Variants in PIGA observed in about 807,000 individuals in gnomAD.
PIGA encodes the protein phosphatidylinositol glycan anchor biosynthesis class A.
Under a neutral mutation model 17.1 loss-of-function variants are expected in PIGA, and 3 were observed. The ratio of observed to expected loss-of-function variants is 0.18; its 90% CI spans 0.08 to 0.45. The LOEUF is 0.45. Ranked by LOEUF, PIGA falls within the 20% of genes least tolerant of loss-of-function variation. PIGA has a pLI of 0.99. For missense variants in PIGA, 231 were observed against 374.1 expected, an observed-to-expected ratio of 0.62 and a Z score of 3.16; for synonymous variants, 126 against 135.1, an observed-to-expected ratio of 0.93 and a Z score of 0.47.
chrX:15,334,164 T>A (rs1403315802), intron 1 of PIGA, among the ~76,000 whole-genome samples: 5 of 106,692 alleles, frequency 4.7e-5, no homozygotes, highest in African/African-American at 1.7e-4. Context: ...AACTGTCTAG[T>A]CTCTCCAACA....
At chrX:15,334,185 CTTTT>C (rs35688150) in intron 1 of PIGA, among the ~76,000 whole-genome samples, 4 of 62,940 alleles carry the variant, frequency 6.4e-5, no homozygotes, top group Non-Finnish European at 1.2e-4. Flanking sequence ...AATTCATCTA[CTTTT>C]TTTTTTTTTT....
chrX:15,323,619 T>C (rs1360541269), intron 5 of PIGA, among the ~76,000 whole-genome samples: 1 of 112,071 alleles, frequency 8.9e-6, no homozygotes, highest in African/African-American at 3.2e-5. Context: ...AAACATCTCA[T>C]GTTTCAATGG....
rs1275774224 is a variant in PIGA at position 15,320,516 on chromosome X, T to C, written c.*990A>G. On this transcript the variant is annotated 3_prime_UTR_variant, in exon 6 of 6. Transcript: ENST00000333590. The stretch of plus-strand genomic sequence containing the variant: ...CGAGGCCACAGTGAAGGGGAGTGAC[T>C]TACATTAAAAGGACAGGGTAGCAGC... The C allele has an allele frequency of 8.9e-6, 1 of 112,171 alleles. No individual in the cohort carries two copies. The highest frequency in any genetic ancestry group is 1.9e-5 in the Non-Finnish European group (1 of 53,255). The allele number at this position is 112,171 out of a possible 1,213,427, so 9.2% of individuals were successfully genotyped here.
In PIGA at chrX:15,335,061, CAA is replaced by C. The variant is rs745329977; in HGVS notation, c.-63+438_-63+439del. On this transcript the variant is annotated intron_variant, in intron 1 of 5. Coordinates refer to ENST00000333590, the MANE Select transcript of PIGA (RefSeq NM_002641.4). ...GGGAGACCTGGCAGGAGTTGTGGGT[CAA>C]GAGAATGGTACTTCCACCGACAATT... is the stretch of plus-strand genomic sequence containing the variant. Among the ~76,000 whole-genome samples the C allele has an allele frequency of 5.4e-5, 6 of 111,927 alleles. No homozygotes were observed. In the South Asian group the frequency reaches 2.2e-3, roughly 42 times the overall value.
Position 15,320,262 on chromosome X carries a change from T to C in PIGA, c.*1244A>G, listed in dbSNP as rs1205357438. On this transcript the variant is annotated 3_prime_UTR_variant, in exon 6 of 6. Coordinates refer to ENST00000333590, the MANE Select transcript of PIGA (RefSeq NM_002641.4). ...GTGCACCCACAAGTGCCTTATTGTT[T>C]TGAATTCACAGTCCTTTTCTCACAA... 1 of 112,547 alleles carries C rather than the reference T, an allele frequency of 8.9e-6. No individual in the cohort carries two copies. The highest frequency in any genetic ancestry group is 2.8e-4 in the East Asian group (1 of 3,635). The allele number at this position is 112,547 out of a possible 1,213,427, so 9.3% of individuals were successfully genotyped here.
At chrX:15,325,847 T>C in intron 3 of PIGA, 67 bp downstream of exon 3, 1 of 895,011 alleles carries the variant, frequency 1.1e-6, no homozygotes, top group African/African-American at 2.0e-5. Context: ...AAGGTACGCA[T>C]GCAGTTAAAA....
rs1193658978 is a variant in PIGA, at chrX:15,324,769, C to A, written c.1084G>T (p.Ala362Ser). 8.3e-7 allele frequency: 1 copy of A among 1,204,152 alleles called. No individual in the cohort carries two copies. Among genetic ancestry groups the A allele is most frequent in the Non-Finnish European group, 1.1e-6 (1 of 888,806 alleles). The change falls in exon 5 of 6, where the codon GCT becomes TCT. Residue 362 changes from alanine (A) to serine (S), a missense_variant. Transcript: ENST00000333590. ...VKSLCEGLEK[A>S]IFQLKSGTLP... ...GTCCCTGACTTCAGTTGGAAAATAG[C>A]CTTTTCCAATCCTTCACACAAAGAT...
At position 15,331,548 on chromosome X, in the gene PIGA, T is replaced by C; in HGVS notation, c.383A>G (p.His128Arg). 8.3e-7 allele frequency: 1 copy of C among 1,210,758 alleles called. No homozygotes were observed. The highest frequency in any genetic ancestry group is 1.1e-6 in the Non-Finnish European group (1 of 894,637). Residue 128 changes from histidine to arginine, a missense_variant, in exon 2 of 6, where the codon CAT becomes CGT. His to Arg is a conservative substitution (Grantham distance 29, BLOSUM62 0). Around this residue, in one of 5 missense-constraint regions of PIGA, gnomAD observed 83 missense variants for 190.1 expected, o/e 0.44. Coordinates refer to ENST00000333590, the MANE Select transcript of PIGA (RefSeq NM_002641.4). ...ATGGGCCATAGCAGAAAAAGAACTA[T>C]GTGAATGGATTATCGTGACTCTCTC... ...VRERVTIIHS[H>R]SSFSAMAHDA... is the part of the protein sequence containing the mutation.
Position 15,325,925 on chromosome X carries a change from C to T in PIGA, c.837G>A (p.Gln279=). Residue 279 remains glutamine, a synonymous_variant, in exon 3 of 6, where the codon CAG becomes CAA. Transcript: ENST00000333590. The stretch of plus-strand genomic sequence containing the variant: ...AAATTCATCAATACCTGTCATGCAG[C>T]TGGTATCTTTCCCGAACTTCTTCCA... The part of the protein sequence containing the change: ...IILEEVRERY[Q]LHDRVRLLGA... 8.3e-7 allele frequency: 1 copy of T among 1,200,811 alleles called. No homozygotes were observed. The highest frequency in any genetic ancestry group is 1.1e-6 in the Non-Finnish European group (1 of 889,141).
chrX:15,322,516 C>T (rs1921847673), intron 5 of PIGA, among the ~76,000 whole-genome samples: 1 of 112,122 alleles, frequency 8.9e-6, no homozygotes, highest in Non-Finnish European at 1.9e-5. Context: ...TATCAAAAAA[C>T]GAAGATCTTT....
chrX:15,334,786 C>T (rs1922282156), intron 1 of PIGA, among the ~76,000 whole-genome samples: 1 of 112,055 alleles, frequency 8.9e-6, no homozygotes, highest in Admixed American at 9.4e-5. Flanking sequence ...GTTTTCAGTC[C>T]AAACATCTTT....
intron 3 of PIGA, 70 bp from the exon 4 acceptor site, chrX:15,325,222 C>A: frequency 1.0e-6 from 1 of 976,287 alleles, no homozygotes; most frequent in South Asian, 2.6e-5. Context: ...AATTTATAAA[C>A]CAAGTCTGCT....
chrX:15,334,826 G>A (rs184415629), intron 1 of PIGA, among the ~76,000 whole-genome samples: 1 of 112,245 alleles, frequency 8.9e-6, no homozygotes, highest in Admixed American at 9.4e-5. Flanking sequence ...CTGCACAATC[G>A]CAGAATCTTA....
In PIGA at chrX:15,321,480, T is replaced by A; in HGVS notation, c.*26A>T. On this transcript the variant is annotated 3_prime_UTR_variant, in exon 6 of 6. Coordinates refer to ENST00000333590, the MANE Select transcript of PIGA (RefSeq NM_002641.4). ...TCTTTATAGAACTATTACAAATGTT[T>A]AAAATCTTACAATCTAGGCTTCCTT... is the stretch of plus-strand genomic sequence containing the variant. 8.6e-7 allele frequency: 1 copy of A among 1,165,097 alleles called. No homozygotes were observed. Among genetic ancestry groups the A allele is most frequent in the Non-Finnish European group, 1.2e-6 (1 of 856,506 alleles).
At chrX:15,331,004 C>T in intron 2 of PIGA, 2 of 360,877 alleles carry the variant, frequency 5.5e-6, no homozygotes, top group Non-Finnish European at 9.5e-6. Flanking sequence ...ACCATTAAAA[C>T]ATCAAAGGTT....
At chrX:15,335,353 A>T in intron 1 of PIGA, 148 bp downstream of exon 1, 1 of 472,549 alleles carries the variant, frequency 2.1e-6, no homozygotes, top group South Asian at 8.1e-5. Flanking sequence ...GCCCCAACCT[A>T]CTCTGGAGAC....
intron 4 of PIGA, 37 bp downstream of exon 4, chrX:15,324,983 A>C: frequency 8.5e-7 from 1 of 1,180,577 alleles, no homozygotes; most frequent in East Asian, 3.0e-5. Context: ...CAAAATACAC[A>C]GAAATCCCAA....
chrX:15,322,583 G>A (rs1376545670), intron 5 of PIGA, among the ~76,000 whole-genome samples: 4 of 111,793 alleles, frequency 3.6e-5, no homozygotes, highest in Non-Finnish European at 7.5e-5. Flanking sequence ...TGTAATTTGA[G>A]TATTACTTGT....
intron 5 of PIGA, among the ~76,000 whole-genome samples, chrX:15,322,952 A>T (rs887624385): frequency 3.6e-5 from 4 of 112,199 alleles, no homozygotes; most frequent in African/African-American, 9.7e-5. Context: ...GCTTTATTTC[A>T]GGTCAATTAA....
Sources: gnomAD v4.1 joint callset for allele counts (sites outside exome capture counted in the v4.1 genomes callset) on GRCh38, gnomAD v4.1.1 for gene constraint, gnomAD v4.1.1 regional missense constraint, MANE v1.5 for transcripts, NCBI Gene and HGNC (gene_info 2026-07-23, HGNC 2026-07-21) for gene names.